Variants in FRG1 observed in about 807,000 individuals in gnomAD.
FRG1 encodes protein FRG1.
A neutral mutation model predicts 37.0 loss-of-function variants in FRG1; 19 were observed. The ratio of observed to expected loss-of-function variants is 0.51; its 90% confidence interval spans 0.36 to 0.75. FRG1 has a LOEUF of 0.75. FRG1 is among the 30% of genes least tolerant of loss of function. The pLI is 0.00. For synonymous variants in FRG1, 73 were observed against 96.5 expected, an observed-to-expected ratio of 0.76 and a Z score of 1.43; for missense variants, 243 against 301.4, an observed-to-expected ratio of 0.81 and a Z score of 1.44.
intron 2 of FRG1, among the ~76,000 whole-genome samples, chr4:189,951,661 T>A (rs1290645376): frequency 6.6e-6 from 1 of 152,044 alleles, no homozygotes; most frequent in Non-Finnish European, 1.5e-5. Flanking sequence ...ATGTTGCCTC[T>A]TGTTTTGTTT....
At chr4:189,941,723 C>T (rs1736311782) in intron 1 of FRG1, 3 of 272,308 alleles carry the variant, frequency 1.1e-5, no homozygotes, top group Non-Finnish European at 2.2e-5. Context: ...AACATATATG[C>T]AGAAAATAAA....
At chr4:189,942,422 C>T (rs1411616842) in intron 1 of FRG1, among the ~76,000 whole-genome samples, 1 of 152,180 alleles carries the variant, frequency 6.6e-6, no homozygotes, top group South Asian at 2.1e-4. Flanking sequence ...CTAATCCGCT[C>T]TCTATGTGAA....
At position 189,957,394 on chromosome 4, in the gene FRG1, T is replaced by G; in HGVS notation, c.433-4T>G. The G allele has an allele frequency of 6.2e-7, 1 of 1,606,354 alleles. No individual in the cohort carries two copies. The highest frequency in any genetic ancestry group is 8.5e-7 in the Non-Finnish European group (1 of 1,175,776). On this transcript the variant is annotated splice_region_variant and splice_polypyrimidine_tract_variant and intron_variant, in intron 5 of 8. Coordinates refer to ENST00000226798, the MANE Select transcript of FRG1 (RefSeq NM_004477.3). ...ATGGCTATTTTGTTATTTGTTTCACTTAGGGGAAAATGGCTTTGTTGGCCT... is the reference window on the plus strand; with the variant it reads ...ATGGCTATTTTGTTATTTGTTTCACGTAGGGGAAAATGGCTTTGTTGGCCT...
chr4:189,952,074 AG>A (rs1323763887), intron 2 of FRG1, 87 bp from the exon 3 acceptor site: 2 of 913,156 alleles, frequency 2.2e-6, no homozygotes, highest in East Asian at 5.3e-5. Flanking sequence ...CAAAATAAGA[AG>A]TTTTTAAAAT....
At chr4:189,952,124 CTA>C in intron 2 of FRG1, 36 bp from the exon 3 acceptor site, 1 of 1,460,698 alleles carries the variant, frequency 6.8e-7, no homozygotes. Flanking sequence ...TGTGTCAAAA[CTA>C]AAATATAAAG....
chr4:189,943,650 C>A (rs1431781699), intron 2 of FRG1, among the ~76,000 whole-genome samples: 2 of 152,162 alleles, frequency 1.3e-5, no homozygotes, highest in Non-Finnish European at 2.9e-5. Context: ...AAGGAAGTAT[C>A]TTCACAGGAA....
chr4:189,952,279 A>G lies in FRG1; in HGVS notation c.251A>G (p.His84Arg), dbSNP rs1210725601. Residue 84 changes from histidine to arginine, a missense_variant, in exon 3 of 9, where the codon CAC becomes CGC. Physicochemically the swap from His to Arg is conservative, Grantham distance 29. Around this residue, in one of 2 missense-constraint regions of FRG1, gnomAD observed 110 missense variants for 102.2 expected, o/e 1.08. Transcript: ENST00000226798. The stretch of plus-strand genomic sequence containing the variant: ...GGTCTTTTTACCCTGGGAGCTCCAC[A>G]CAAAGAAGGTTTGTGTCTGGAAGGG... Reference protein sequence around the residue: ...DNGLFTLGAPHKEVDEGPSPP... With the variant: ...DNGLFTLGAPRKEVDEGPSPP... 5 of 1,610,874 alleles carry G rather than the reference A, an allele frequency of 3.1e-6. No homozygotes were observed. The African/African-American group carries it at 6.7e-5, about 22-fold the overall frequency.
At chr4:189,952,101 A>G in intron 2 of FRG1, 61 bp from the exon 3 acceptor site, 1 of 1,210,124 alleles carries the variant, frequency 8.3e-7, no homozygotes, top group South Asian at 1.5e-5. Flanking sequence ...TATAATAACA[A>G]AAAAAAGAAC....
In FRG1 at chr4:189,960,797, A is replaced by G; in HGVS notation, c.587A>G (p.Glu196Gly). ...ACCAAGAAAAAAGATGACATTCCAG[A>G]AGAAGACAAAGGAAATGTAAAACAA... The part of the protein sequence containing the change: ...RETKKKDDIP[E>G]EDKGNVKQCE... The change falls in exon 7 of 9, where the codon GAA (glutamate) becomes GGA (glycine). Residue 196 changes from glutamate (E) to glycine (G), a missense_variant. Physicochemically the swap from Glu to Gly is moderately conservative, Grantham distance 98. Around this residue, in one of 2 missense-constraint regions of FRG1, gnomAD observed 133 missense variants for 199.3 expected, o/e 0.67. Transcript: ENST00000226798. 1 of 1,609,876 alleles carries G rather than the reference A, an allele frequency of 6.2e-7. No homozygotes were observed.
chr4:189,954,962 C>T (rs1008840285), intron 4 of FRG1, 75 bp from the exon 5 acceptor site: 37 of 847,100 alleles, frequency 4.4e-5, no homozygotes, highest in Admixed American at 1.6e-4. Flanking sequence ...CACACACATA[C>T]GCATGTCCTG....
rs1040187429 is a variant in FRG1 at position 189,940,918 on chromosome 4, C to G, written c.-92C>G. 6.2e-6 allele frequency: 6 copies of G among 962,066 alleles called. No homozygotes were observed. The highest frequency in any genetic ancestry group is 2.9e-5 in the South Asian group (2 of 69,788). 59.6% of individuals were successfully genotyped at this position (962,066 alleles called of 1,614,324 possible). A position where few individuals can be genotyped will look rare whatever the true frequency, so the allele number is the denominator to read the frequency against. On this transcript the variant is annotated 5_prime_UTR_variant, in exon 1 of 9. Transcript: ENST00000226798. ...TGTCAGGGAGTGTTTATTTCGCGTC[C>G]GCTTCTGTTTCTCCGCGCCCCTGTG... is the stretch of plus-strand genomic sequence containing the variant.
intron 4 of FRG1, among the ~76,000 whole-genome samples, chr4:189,954,629 C>CG (rs1736902057): frequency 6.7e-6 from 1 of 148,362 alleles, no homozygotes; most frequent in Non-Finnish European, 1.5e-5. Context: ...GAGTCTCACT[C>CG]TGTCACCCAG....
chr4:189,960,416 G>A (rs1737177687), intron 6 of FRG1, among the ~76,000 whole-genome samples: 1 of 152,214 alleles, frequency 6.6e-6, no homozygotes, highest in African/African-American at 2.4e-5. Context: ...GGGATAATTT[G>A]ATCCTAGTGT....
rs540587609 is a variant in FRG1, at chr4:189,956,334, G to T, written c.433-1064G>T. ...TTAGGATGAGATACTTCTAATAAAA[G>T]TTACACCGGTAGAAAAGGCCAATAT... On this transcript the variant is annotated intron_variant, in intron 5 of 8. Coordinates refer to ENST00000226798, the MANE Select transcript of FRG1 (RefSeq NM_004477.3). Among the ~76,000 whole-genome samples the T allele has an allele frequency of 2.6e-5, 4 of 152,136 alleles. No homozygotes were observed. In the East Asian group the frequency reaches 7.7e-4, roughly 29 times the overall value.
Position 189,960,536 on chromosome 4 carries a change from A to G in FRG1, c.538-212A>G, listed in dbSNP as rs13108772. 0.28 allele frequency among the ~76,000 whole-genome samples: 42,118 copies of G among 152,156 alleles called. 6,027 individuals carry two copies. The highest frequency in any genetic ancestry group is 0.42 in the Middle Eastern group (124 of 294). ...TTTTGTCTGTAGTGTTTCTGACACA[A>G]TGCTGTGGAGGAAGCATGTGATAGC... On this transcript the variant is annotated intron_variant, in intron 6 of 8. Coordinates refer to ENST00000226798, the MANE Select transcript of FRG1 (RefSeq NM_004477.3).
At chr4:189,942,419 GCTCT>G (rs1412432480) in intron 1 of FRG1, among the ~76,000 whole-genome samples, 2 of 151,882 alleles carry the variant, frequency 1.3e-5, no homozygotes, top group African/African-American at 2.4e-5. Flanking sequence ...CCACTAATCC[GCTCT>G]CTATGTGAAA....
intron 2 of FRG1, among the ~76,000 whole-genome samples, chr4:189,945,891 GGTTTT>G (rs1579620094): frequency 3.9e-5 from 6 of 151,962 alleles, no homozygotes; most frequent in Admixed American, 3.9e-4. Flanking sequence ...GAACCCGGAG[GGTTTT>G]GTTTGGTTTG....
chr4:189,954,865 A>G (rs1736913033), intron 4 of FRG1, among the ~76,000 whole-genome samples, 172 bp from the exon 5 acceptor site: 1 of 152,110 alleles, frequency 6.6e-6, no homozygotes, highest in Non-Finnish European at 1.5e-5. Context: ...AAGCACAGAG[A>G]TTACAGGAGT....
At chr4:189,948,092 G>T (rs78074482) in intron 2 of FRG1, among the ~76,000 whole-genome samples, 1 of 152,008 alleles carries the variant, frequency 6.6e-6, no homozygotes, top group African/African-American at 2.4e-5. Flanking sequence ...GTCCTTCTGC[G>T]TCTTTTTCTC....
Sources: gnomAD v4.1 joint callset for allele counts (sites outside exome capture counted in the v4.1 genomes callset) on GRCh38, gnomAD v4.1.1 for gene constraint, gnomAD v4.1.1 regional missense constraint, MANE v1.5 for transcripts, NCBI Gene and HGNC (gene_info 2026-07-23, HGNC 2026-07-21) for gene names.